Variants in RGS7 observed in about 807,000 individuals in gnomAD.
RGS7 encodes the protein regulator of G-protein signaling 7.
A neutral mutation model predicts 81.1 loss-of-function variants in RGS7; 27 were observed. The observed-to-expected ratio is 0.33, with a 90% CI of 0.25 to 0.46. The LOEUF is 0.46. Ranked by LOEUF, RGS7 falls within the 20% of genes least tolerant of loss-of-function variation. RGS7 has a pLI of 1.00. For synonymous variants in RGS7, 208 were observed against 207.7 expected (o/e 1.00, Z -0.01); for missense variants, 396 against 607.4 (o/e 0.65, Z 3.66).
intron 3 of RGS7, among the ~76,000 whole-genome samples, chr1:240,992,952 T>C (rs527915805): frequency 1.3e-5 from 2 of 151,248 alleles, no homozygotes; most frequent in South Asian, 4.2e-4. Flanking sequence ...GAGGCAGAGG[T>C]TGTAGCGAGT....
chr1:241,260,401 G>T (rs1039730942), intron 2 of RGS7, among the ~76,000 whole-genome samples: 1 of 152,062 alleles, frequency 6.6e-6, no homozygotes, highest in Non-Finnish European at 1.5e-5. Flanking sequence ...ACTATATTGG[G>T]TATATCAAAT....
chr1:241,207,610 A>G (rs182637215), intron 2 of RGS7, among the ~76,000 whole-genome samples: 1 of 152,188 alleles, frequency 6.6e-6, no homozygotes, highest in East Asian at 2.0e-4. Context: ...ATAAAATTAA[A>G]AAGGTAATAT....
rs115760782 is a variant in RGS7 at position 240,947,021 on chromosome 1, T to A, written c.227-10315A>T. The stretch of plus-strand genomic sequence containing the variant: ...ACAACTATAAGGTGCCAATTATAAA[T>A]AGGAAAATAAATTCTAGATGCTGTA... On this transcript the variant is annotated intron_variant, in intron 4 of 18. Coordinates refer to ENST00000440928, the MANE Select transcript of RGS7 (RefSeq NM_001364886.1). Among the ~76,000 whole-genome samples, 1,038 of 152,234 alleles carry A rather than the reference T, an allele frequency of 6.8e-3. 18 individuals are homozygous for A. Among genetic ancestry groups the A allele is most frequent in the African/African-American group, 0.023 (966 of 41,550 alleles).
chr1:241,054,779 A>T (rs1223234912), intron 3 of RGS7, among the ~76,000 whole-genome samples: 1 of 152,336 alleles, frequency 6.6e-6, no homozygotes, highest in African/African-American at 2.4e-5. Context: ...AGCAAATCCA[A>T]TCATGTCTTA....
chr1:241,130,489 T>C (rs1267823492), intron 2 of RGS7, among the ~76,000 whole-genome samples: 2 of 152,082 alleles, frequency 1.3e-5, no homozygotes, highest in Non-Finnish European at 2.9e-5. Flanking sequence ...TTGGCAACAT[T>C]TGAGGAAGTA....
At chr1:241,298,430 T>C (rs1292682615) in intron 2 of RGS7, among the ~76,000 whole-genome samples, 1 of 152,242 alleles carries the variant, frequency 6.6e-6, no homozygotes, top group Non-Finnish European at 1.5e-5. Context: ...GGGATTTTCC[T>C]GACTGACATC....
chr1:240,965,265 A>C lies in RGS7; in HGVS notation c.226+17814T>G, dbSNP rs571560260. On this transcript the variant is annotated intron_variant, in intron 4 of 18. Coordinates refer to ENST00000440928, the MANE Select transcript of RGS7 (RefSeq NM_001364886.1). The stretch of plus-strand genomic sequence containing the variant: ...CACAGAAGCCCCTTTATGATGCTGG[A>C]GAATTTTCACATAATTTGTATGATA... Among the ~76,000 whole-genome samples, 10 of 152,320 alleles carry C rather than the reference A, an allele frequency of 6.6e-5. No individual in the cohort carries two copies. The East Asian group carries it at 1.7e-3, about 26-fold the overall frequency.
chr1:241,044,119 T>G (rs1298331083), intron 3 of RGS7, among the ~76,000 whole-genome samples: 1 of 150,738 alleles, frequency 6.6e-6, no homozygotes, highest in Admixed American at 6.6e-5. Context: ...TTTGTTTTTT[T>G]TTTTTTTGGT....
intron 3 of RGS7, among the ~76,000 whole-genome samples, chr1:240,990,784 A>T (rs190691640): frequency 6.6e-6 from 1 of 152,376 alleles, no homozygotes; most frequent in East Asian, 1.9e-4. Flanking sequence ...GAAACAAAAT[A>T]ATCAAAACAG....
intron 2 of RGS7, among the ~76,000 whole-genome samples, chr1:241,213,878 C>A (rs951344478): frequency 7.2e-5 from 11 of 152,158 alleles, no homozygotes; most frequent in African/African-American, 2.7e-4. Context: ...GATCCTCCCA[C>A]CTCAGCCTCC....
At chr1:241,310,002 T>C (rs2080412076) in intron 2 of RGS7, among the ~76,000 whole-genome samples, 2 of 152,208 alleles carry the variant, frequency 1.3e-5, no homozygotes, top group South Asian at 2.1e-4. Context: ...TGGAACACTA[T>C]GGTCGGTGCT....
chr1:240,944,293 T>TGC lies in RGS7; in HGVS notation c.227-7588_227-7587insGC, dbSNP rs1227431743. Among the ~76,000 whole-genome samples the TGC allele has an allele frequency of 5.8e-4, 19 of 32,704 alleles. 1 individual carries two copies. The highest frequency in any genetic ancestry group is 1.3e-3 in the Non-Finnish European group (17 of 12,614). 21.5% of individuals were successfully genotyped at this position (32,704 alleles called of 152,430 possible). The stretch of plus-strand genomic sequence containing the variant: ...GTGTGTGTGTGTGTGTATATATATA[T>TGC]ATATATATATATATATATATATATA... On this transcript the variant is annotated intron_variant, in intron 4 of 18. Transcript: ENST00000440928.
At chr1:241,018,897 C>A (rs773779900) in intron 3 of RGS7, among the ~76,000 whole-genome samples, 10 of 152,108 alleles carry the variant, frequency 6.6e-5, no homozygotes, top group African/African-American at 2.4e-4. Flanking sequence ...CAGAATTCCA[C>A]TTCACAAGCT....
intron 2 of RGS7, among the ~76,000 whole-genome samples, chr1:241,214,986 A>C (rs535954972): frequency 6.6e-6 from 1 of 152,294 alleles, no homozygotes; most frequent in Admixed American, 6.5e-5. Flanking sequence ...AATTTAGAGT[A>C]CTTGTCTGCT....
intron 2 of RGS7, among the ~76,000 whole-genome samples, chr1:241,245,202 T>A (rs2076459960): frequency 1.3e-5 from 2 of 152,122 alleles, no homozygotes. Flanking sequence ...CAAATTATAA[T>A]CCCCAGTATT....
At chr1:241,142,948 C>T (rs146390073) in intron 2 of RGS7, among the ~76,000 whole-genome samples, 1,626 of 152,244 alleles carry the variant, frequency 0.011, 15 homozygotes, top group Non-Finnish European at 0.017. Context: ...AAATTTCTTC[C>T]GCCAGATACC....
chr1:240,823,448 C>G, intron 10 of RGS7: 1 of 281,142 alleles, frequency 3.6e-6, no homozygotes, highest in Non-Finnish European at 7.0e-6. Flanking sequence ...TAGTCCAGTC[C>G]GCTCAGGACA....
chr1:241,314,460 G>A (rs1034866256), intron 2 of RGS7, among the ~76,000 whole-genome samples: 3 of 152,230 alleles, frequency 2.0e-5, no homozygotes, highest in South Asian at 2.1e-4. Flanking sequence ...TAGCCATAAT[G>A]TTCTTTGACA....
At chr1:240,822,903 G>C (rs1572258306) in intron 10 of RGS7, 2 of 395,674 alleles carry the variant, frequency 5.1e-6, no homozygotes, top group East Asian at 1.1e-4. Flanking sequence ...ACCAAGATGA[G>C]GCTGGATAGT....
Sources: gnomAD v4.1 joint callset for allele counts (sites outside exome capture counted in the v4.1 genomes callset) on GRCh38, gnomAD v4.1.1 for gene constraint, MANE v1.5 for transcripts, NCBI Gene and HGNC (gene_info 2026-07-23, HGNC 2026-07-21) for gene names.